The following SRFBP1 variants were observed in gnomAD, a reference collection of about 807,000 sequenced individuals.
The protein encoded by SRFBP1 is serum response factor binding protein 1.
In SRFBP1, 47 loss-of-function variants were observed where a neutral mutation model predicts 45.5. The ratio of observed to expected loss-of-function variants is 1.03; its 90% CI spans 0.82 to 1.32. SRFBP1 has a LOEUF of 1.32. Among genes scored for constraint, SRFBP1 ranks in the 40% most tolerant of loss-of-function variants. SRFBP1 has a pLI of 0.00. For missense variants in SRFBP1, 621 were observed against 484.6 expected (o/e 1.28, Z -2.64); for synonymous variants, 203 against 166.3 (o/e 1.22, Z -1.70).
chr5:121,993,400 A>C (rs1011705679), intron 3 of SRFBP1, among the ~76,000 whole-genome samples: 4 of 152,186 alleles, frequency 2.6e-5, no homozygotes, highest in Non-Finnish European at 4.4e-5. Context: ...TTGTCCTATG[A>C]CATCATCACA....
At chr5:121,975,982 G>A (rs1259524457) in intron 3 of SRFBP1, among the ~76,000 whole-genome samples, 1 of 151,460 alleles carries the variant, frequency 6.6e-6, no homozygotes, top group East Asian at 1.9e-4. Flanking sequence ...GACATTAAAT[G>A]TCTGGGAGAC....
intron 4 of SRFBP1, among the ~76,000 whole-genome samples, chr5:122,008,258 T>G (rs1753017795): frequency 6.6e-6 from 1 of 151,832 alleles, no homozygotes; most frequent in South Asian, 2.1e-4. Context: ...TGGCCTGTCT[T>G]GGGACAACCG....
At chr5:122,077,174 G>A, downstream of SRFBP1, 5 of 1,463,188 alleles carry the variant, frequency 3.4e-6, no homozygotes, top group Non-Finnish European at 4.5e-6. This position sits in a 1 kb window ranked among gnomAD's most constrained non-coding sequence, Gnocchi z 4.9. Context: ...AATGTGAAAA[G>A]GAAGCAGGAG....
At chr5:122,023,766 G>C (rs1753412173) in intron 7 of SRFBP1, among the ~76,000 whole-genome samples, 1 of 152,100 alleles carries the variant, frequency 6.6e-6, no homozygotes. Flanking sequence ...TCCATCCCAG[G>C]CTTGTGATTT....
At chr5:122,037,264 C>G (rs1435253526) in intron 2 of SRFBP1, among the ~76,000 whole-genome samples, 2 of 152,176 alleles carry the variant, frequency 1.3e-5, no homozygotes, top group Non-Finnish European at 2.9e-5. Context: ...AATGGGGAAA[C>G]TGACACAAAC....
At chr5:122,025,478 A>C (rs933635498) in intron 7 of SRFBP1, among the ~76,000 whole-genome samples, 1 of 152,178 alleles carries the variant, frequency 6.6e-6, no homozygotes. Flanking sequence ...TATATACCCA[A>C]TAATAGGATG....
At chr5:122,073,484 C>T (rs1754513246) in intron 2 of SRFBP1, among the ~76,000 whole-genome samples, 1 of 152,118 alleles carries the variant, frequency 6.6e-6, no homozygotes, top group East Asian at 1.9e-4. Flanking sequence ...ATTTGCTAAC[C>T]GCAACCACTA....
rs767634871 is a variant in SRFBP1, at chr5:121,975,346, A to G, written c.157A>G (p.Arg53Gly). The part of the protein sequence containing the change: ...GTEDALLKNQ[R>G]RAQRLLEEIH... Reference sequence around the variant, plus strand: ...TGAAGATGCACTGTTAAAAAACCAAAGACGGGCGCAAAGATTGCTTGAAGA... The same window carrying G: ...TGAAGATGCACTGTTAAAAAACCAAGGACGGGCGCAAAGATTGCTTGAAGA... Residue 53 changes from arginine to glycine, a missense_variant, in exon 3 of 8, where the codon AGA (arginine) becomes GGA (glycine). Arg to Gly is a moderately radical substitution (Grantham distance 125). Transcript: ENST00000339397. 6.2e-7 allele frequency: 1 copy of G among 1,613,410 alleles called. No homozygotes were observed. The highest frequency in any genetic ancestry group is 8.5e-7 in the Non-Finnish European group (1 of 1,179,392).
chr5:121,973,793 C>T (rs1752248706), intron 1 of SRFBP1, among the ~76,000 whole-genome samples: 1 of 151,788 alleles, frequency 6.6e-6, no homozygotes, highest in Non-Finnish European at 1.5e-5. Flanking sequence ...TTAAAATAGT[C>T]ATTCAACAAA....
In SRFBP1 at chr5:121,975,322, G is replaced by A. The variant is rs1430299574; in HGVS notation, c.133G>A (p.Glu45Lys). Residue 45 changes from glutamate to lysine, a missense_variant, in exon 3 of 8, where the codon GAA becomes AAA. Coordinates refer to ENST00000339397, the MANE Select transcript of SRFBP1 (RefSeq NM_152546.3). ...VGRLKSKKGTEDALLKNQRRA... is the reference protein window; with the variant it reads ...VGRLKSKKGTKDALLKNQRRA... ...GTAATGTATTTTTTGCAGGGGTACT[G>A]AAGATGCACTGTTAAAAAACCAAAG... 1.2e-6 allele frequency: 2 copies of A among 1,612,972 alleles called. No individual in the cohort carries two copies. Among genetic ancestry groups the A allele is most frequent in the Middle Eastern group, 1.6e-4 (1 of 6,080 alleles).
At chr5:121,976,890 TACAC>T (rs149088698) in intron 3 of SRFBP1, among the ~76,000 whole-genome samples, 5,592 of 151,390 alleles carry the variant, frequency 0.037, 296 homozygotes, top group African/African-American at 0.11. Context: ...AATATATACA[TACAC>T]ACACACTACA....
At chr5:121,971,160 G>A (rs755629891) in intron 1 of SRFBP1, among the ~76,000 whole-genome samples, 3 of 151,984 alleles carry the variant, frequency 2.0e-5, no homozygotes, top group Non-Finnish European at 2.9e-5. Flanking sequence ...TTAAAGGTAC[G>A]ACATTGGATA....
At chr5:121,974,862 C>T (rs772561421) in intron 2 of SRFBP1, among the ~76,000 whole-genome samples, 107 of 151,756 alleles carry the variant, frequency 7.1e-4, no homozygotes, top group African/African-American at 2.3e-3. Context: ...ATGTTTTGTT[C>T]CTGATTAATT....
At chr5:122,021,500 T>A (rs1393254424) in intron 6 of SRFBP1, among the ~76,000 whole-genome samples, 1 of 152,118 alleles carries the variant, frequency 6.6e-6, no homozygotes, top group African/African-American at 2.4e-5. Context: ...AAAAATGTGA[T>A]GTAAAAATTT....
chr5:121,969,977 T>C (rs1561575187), intron 1 of SRFBP1, among the ~76,000 whole-genome samples: 1 of 152,150 alleles, frequency 6.6e-6, no homozygotes. Flanking sequence ...TGATAGTTCT[T>C]GCTTTTGGTT....
At chr5:122,000,677 C>G (rs574186272) in intron 4 of SRFBP1, among the ~76,000 whole-genome samples, 14 of 152,172 alleles carry the variant, frequency 9.2e-5, no homozygotes, top group African/African-American at 3.1e-4. Context: ...CCATCTCATC[C>G]CACTCCAAAT....
At chr5:122,071,432 A>G (rs1754450158) in intron 2 of SRFBP1, among the ~76,000 whole-genome samples, 1 of 152,174 alleles carries the variant, frequency 6.6e-6, no homozygotes, top group Admixed American at 6.5e-5. Context: ...GAAATATGAC[A>G]TATTTTGTTG....
chr5:122,018,595 A>C (rs1024131623), intron 4 of SRFBP1, among the ~76,000 whole-genome samples: 1 of 152,212 alleles, frequency 6.6e-6, no homozygotes, highest in Non-Finnish European at 1.5e-5. Context: ...ATGTCAGGTT[A>C]GGTGGTTTGA....
chr5:122,036,620 C>T (rs1753696328), intron 2 of SRFBP1, among the ~76,000 whole-genome samples: 1 of 152,092 alleles, frequency 6.6e-6, no homozygotes. Context: ...AAGTGATTTA[C>T]GCCTATGTGA....
Sources: allele counts gnomAD v4.1 joint callset (sites outside exome capture counted in the v4.1 genomes callset), GRCh38; gene constraint gnomAD v4.1.1; non-coding constraint Gnocchi (gnomAD v3.1); transcripts MANE v1.5; gene names NCBI Gene and HGNC (gene_info 2026-07-23, HGNC 2026-07-21).